TENM3: variants seen among roughly 807,000 people sequenced by gnomAD.
TENM3 encodes teneurin-3.
In TENM3, 63 loss-of-function variants were observed where a neutral mutation model predicts 255.1. The ratio of observed to expected loss-of-function variants is 0.25; its 90% confidence interval spans 0.20 to 0.30. TENM3 has a LOEUF of 0.30. Among genes scored for constraint, TENM3 ranks in the 10% least tolerant of loss-of-function variants. The pLI is 1.00. For missense variants in TENM3, 2,929 were observed against 3,461.1 expected (o/e 0.85, Z 3.86); for synonymous variants, 1,306 against 1,322.3 (o/e 0.99, Z 0.27).
At chr4:182,562,568 C>G (rs765328761) in intron 3 of TENM3, among the ~76,000 whole-genome samples, 2 of 152,066 alleles carry the variant, frequency 1.3e-5, no homozygotes, top group Non-Finnish European at 2.9e-5. Flanking sequence ...CCGTGACACC[C>G]TGGGCATAGT....
chr4:181,585,729 C>T, the TENM3 span, among the ~76,000 whole-genome samples: 1 of 152,152 alleles, frequency 6.6e-6, no homozygotes, highest in Non-Finnish European at 1.5e-5. Context: ...TTGTTGTCAG[C>T]AGGACCATAT....
chr4:182,445,623 A>T (rs1181657829), intron 3 of TENM3, among the ~76,000 whole-genome samples: 7 of 149,814 alleles, frequency 4.7e-5, no homozygotes, highest in South Asian at 2.1e-4. Flanking sequence ...TTTTTTTTTT[A>T]AATACAATTT....
upstream of TENM3, among the ~76,000 whole-genome samples, chr4:182,240,882 C>T (rs1340400109): frequency 1.3e-5 from 2 of 152,182 alleles, no homozygotes; most frequent in Admixed American, 1.3e-4. Context: ...TGCTATGTCC[C>T]CTCAGATCTG....
chr4:181,915,901 A>G, the TENM3 span, among the ~76,000 whole-genome samples: 1 of 152,300 alleles, frequency 6.6e-6, no homozygotes, highest in Non-Finnish European at 1.5e-5. Flanking sequence ...GGCATTAGGG[A>G]GCCACTGAGG....
the TENM3 span, among the ~76,000 whole-genome samples, chr4:181,640,731 T>C: frequency 6.6e-6 from 1 of 152,178 alleles, no homozygotes; most frequent in East Asian, 1.9e-4. Context: ...TGATGGGAAC[T>C]ATAGGAGGTG....
the TENM3 span, among the ~76,000 whole-genome samples, chr4:181,974,365 C>T: frequency 2.6e-5 from 4 of 151,994 alleles, no homozygotes; most frequent in South Asian, 2.1e-4. Flanking sequence ...GTCAGGAGTC[C>T]GAGACTAGCC....
At chr4:182,346,997 G>GGC (rs1554053259) in intron 3 of TENM3, 68 bp downstream of exon 3, 26 of 1,146,860 alleles carry the variant, frequency 2.3e-5, no homozygotes, top group Middle Eastern at 2.9e-4. Flanking sequence ...TGACTCCGCG[G>GGC]GGGGGGATGT....
At chr4:182,083,975 C>T in the TENM3 span, among the ~76,000 whole-genome samples, 10 of 152,086 alleles carry the variant, frequency 6.6e-5, no homozygotes, top group African/African-American at 1.9e-4. Flanking sequence ...AAAAAGTGAC[C>T]TTTAATTCAG....
intron 1 of TENM3, among the ~76,000 whole-genome samples, chr4:182,289,097 GT>G (rs747399151): frequency 1.1e-4 from 16 of 152,124 alleles, no homozygotes; most frequent in Non-Finnish European, 1.8e-4. Context: ...TGGCATGGTG[GT>G]GCACACCTGT....
chr4:182,286,251 C>G (rs1760721306), intron 1 of TENM3, among the ~76,000 whole-genome samples: 2 of 152,196 alleles, frequency 1.3e-5, no homozygotes, highest in African/African-American at 4.8e-5. Flanking sequence ...GGAACAGTGG[C>G]CATGCAGGCA....
chr4:182,541,029 A>G lies in TENM3; in HGVS notation c.512-59895A>G, dbSNP rs986882428. On this transcript the variant is annotated intron_variant, in intron 3 of 27. Transcript: ENST00000511685. ...AACACTTTCATTATATTACTAAGGT[A>G]GATTCTATCACTAATCCCATTTTAC... 3.9e-5 allele frequency among the ~76,000 whole-genome samples: 6 copies of G among 152,250 alleles called. No individual in the cohort carries two copies. The East Asian group carries it at 1.2e-3, about 29-fold the overall frequency.
the TENM3 span, among the ~76,000 whole-genome samples, chr4:181,740,232 CA>C: frequency 6.6e-6 from 1 of 151,924 alleles, no homozygotes; most frequent in African/African-American, 2.4e-5. Context: ...TAAAAATGAA[CA>C]AAATTATACT....
chr4:182,065,378 G>T, the TENM3 span, among the ~76,000 whole-genome samples: 9 of 152,148 alleles, frequency 5.9e-5, no homozygotes. Context: ...TTGGATCACC[G>T]TTGCACGTGT....
chr4:181,972,139 G>A, the TENM3 span, among the ~76,000 whole-genome samples: 1 of 151,666 alleles, frequency 6.6e-6, no homozygotes, highest in Non-Finnish European at 1.5e-5. Flanking sequence ...AATAAAGAAC[G>A]GGCCAGATGT....
chr4:182,772,927 G>C (rs1050889203), intron 22 of TENM3, among the ~76,000 whole-genome samples: 1 of 152,132 alleles, frequency 6.6e-6, no homozygotes, highest in South Asian at 2.1e-4. Context: ...CCATTATGAA[G>C]TATGTCAATC....
At chr4:182,566,289 T>A (rs1390098346) in intron 3 of TENM3, among the ~76,000 whole-genome samples, 1 of 152,222 alleles carries the variant, frequency 6.6e-6, no homozygotes, top group Non-Finnish European at 1.5e-5. Flanking sequence ...GTGACGCGAT[T>A]TGGTACCATT....
chr4:182,748,812 C>A (rs904165287), intron 19 of TENM3, among the ~76,000 whole-genome samples: 1 of 152,164 alleles, frequency 6.6e-6, no homozygotes, highest in African/African-American at 2.4e-5. Context: ...GTAGACTCCC[C>A]CACATTTGTT....
At chr4:181,488,296 T>C in the TENM3 span, among the ~76,000 whole-genome samples, 2 of 152,212 alleles carry the variant, frequency 1.3e-5, no homozygotes, top group African/African-American at 2.4e-5. Flanking sequence ...GTGATTTTCA[T>C]TGCTTCATCA....
At chr4:182,222,008 C>G (rs1245880778) in intron 1 of TENM3, among the ~76,000 whole-genome samples, 1 of 152,150 alleles carries the variant, frequency 6.6e-6, no homozygotes, top group African/African-American at 2.4e-5. Flanking sequence ...CAGTTAACCC[C>G]TCAATCAAAA....
Sources: allele counts gnomAD v4.1 joint callset (sites outside exome capture counted in the v4.1 genomes callset), GRCh38; gene constraint gnomAD v4.1.1; transcripts MANE v1.5; gene names NCBI Gene and HGNC (gene_info 2026-07-23, HGNC 2026-07-21).